The following SOX5 variants were observed in gnomAD, a reference collection of about 807,000 sequenced individuals.
SOX5 encodes transcription factor SOX-5.
In SOX5, 9 loss-of-function variants were observed where a neutral mutation model predicts 92.0. The ratio of observed to expected loss-of-function variants is 0.10; its 90% CI spans 0.06 to 0.17. SOX5 has a LOEUF of 0.17. SOX5 is among the 10% of genes least tolerant of loss of function. The probability of loss-of-function intolerance (pLI) is 1.00; values close to 1 mark genes in which losing one functional copy is unlikely to be tolerated. For missense variants in SOX5, 642 were observed against 944.5 expected (o/e 0.68, Z 4.20); for synonymous variants, 344 against 336.3 (o/e 1.02, Z -0.25).
At chr12:24,498,215 A>AAAATGT (rs1947841044) in intron 1 of SOX5, among the ~76,000 whole-genome samples, 1 of 136,786 alleles carries the variant, frequency 7.3e-6, no homozygotes, top group Non-Finnish European at 1.5e-5. Context: ...CTTAAAATGT[A>AAAATGT]AAAAAAAAAA....
chr12:23,650,198 A>T (rs2139009902), intron 7 of SOX5, among the ~76,000 whole-genome samples: 1 of 152,190 alleles, frequency 6.6e-6, no homozygotes, highest in Non-Finnish European at 1.5e-5. Flanking sequence ...AAGAGTGTAA[A>T]AGTTATTCTG....
At chr12:24,269,592 C>T (rs910597581) in intron 3 of SOX5, among the ~76,000 whole-genome samples, 6 of 151,790 alleles carry the variant, frequency 4.0e-5, no homozygotes, top group Non-Finnish European at 2.9e-5. Flanking sequence ...TATATGTAAA[C>T]GTCCATAACT....
chr12:23,907,631 T>C (rs896631782), intron 1 of SOX5, among the ~76,000 whole-genome samples: 6 of 152,104 alleles, frequency 3.9e-5, no homozygotes, highest in Non-Finnish European at 8.8e-5. Flanking sequence ...CAAATGCGTA[T>C]ATATGGGAAT....
At chr12:24,432,868 C>G (rs1205494465) in intron 1 of SOX5, among the ~76,000 whole-genome samples, 2 of 151,984 alleles carry the variant, frequency 1.3e-5, no homozygotes, top group Non-Finnish European at 2.9e-5. Context: ...CACACACACA[C>G]AGAGTATGAT....
chr12:24,557,434 A>G (rs1041016195), intron 1 of SOX5, among the ~76,000 whole-genome samples: 13 of 151,764 alleles, frequency 8.6e-5, no homozygotes, highest in African/African-American at 1.2e-4. Flanking sequence ...AAAGAAAAAA[A>G]GAGGTTAAGA....
At chr12:23,759,159 T>C (rs902683465) in intron 3 of SOX5, among the ~76,000 whole-genome samples, 1 of 151,894 alleles carries the variant, frequency 6.6e-6, no homozygotes, top group Admixed American at 6.6e-5. Flanking sequence ...ACTTGATAAA[T>C]GTTCTAGGGT....
intron 9 of SOX5, among the ~76,000 whole-genome samples, chr12:23,600,432 T>C (rs2137389742): frequency 1.3e-5 from 2 of 149,954 alleles, no homozygotes; most frequent in South Asian, 4.2e-4. Context: ...AAAATTTTAT[T>C]GTAACAGCTG....
intron 4 of SOX5, among the ~76,000 whole-genome samples, chr12:24,074,406 C>T (rs1297448831): frequency 6.6e-6 from 1 of 151,570 alleles, no homozygotes; most frequent in African/African-American, 2.4e-5. Context: ...CCACCTGCAC[C>T]TGGATAGGTA....
intron 1 of SOX5, among the ~76,000 whole-genome samples, chr12:23,898,699 A>G (rs1232480889): frequency 2.0e-5 from 3 of 152,228 alleles, no homozygotes; most frequent in African/African-American, 2.4e-5. Flanking sequence ...AAAAAAGGTT[A>G]AGGTTTATAA....
chr12:23,956,959 T>C (rs1345183409), intron 4 of SOX5, among the ~76,000 whole-genome samples: 1 of 149,166 alleles, frequency 6.7e-6, no homozygotes, highest in Admixed American at 6.7e-5. Context: ...TGAGCCACCA[T>C]GCCCGGCCAT....
intron 8 of SOX5, among the ~76,000 whole-genome samples, chr12:23,613,202 A>G (rs1359680783): frequency 6.6e-6 from 1 of 152,182 alleles, no homozygotes; most frequent in East Asian, 1.9e-4. Flanking sequence ...ATAATTCATA[A>G]GTCAATGAAC....
chr12:24,080,313 G>A (rs1943170145), intron 4 of SOX5, among the ~76,000 whole-genome samples: 1 of 151,884 alleles, frequency 6.6e-6, no homozygotes, highest in Non-Finnish European at 1.5e-5. Flanking sequence ...CCATTTCTAT[G>A]ATTGCAATGC....
At chr12:24,192,357 A>G (rs1956607181) in intron 4 of SOX5, among the ~76,000 whole-genome samples, 3 of 152,148 alleles carry the variant, frequency 2.0e-5, no homozygotes, top group African/African-American at 7.2e-5. Context: ...TAACAATAAA[A>G]TGTTCTAAAA....
intron 3 of SOX5, among the ~76,000 whole-genome samples, chr12:24,220,566 T>G (rs555064539): frequency 1.3e-5 from 2 of 152,182 alleles, no homozygotes; most frequent in Non-Finnish European, 2.9e-5. Flanking sequence ...ATAGGTTATA[T>G]GTTATTATTT....
chr12:23,853,139 T>TATAC (rs1555385502), intron 2 of SOX5, among the ~76,000 whole-genome samples: 1 of 149,778 alleles, frequency 6.7e-6, no homozygotes, highest in African/African-American at 2.4e-5. Flanking sequence ...TATATATATA[T>TATAC]ACACACACAT....
rs537128830 is a variant in SOX5 at position 23,598,620 on chromosome 12, C to T, written c.1164+5767G>A. On this transcript the variant is annotated intron_variant, in intron 9 of 14. Transcript: ENST00000451604. ...TTCACCATGTTATCCAGGAAGGTCT[C>T]GATCTCCTGACCTCATGATCCATCC... 3.5e-3 allele frequency among the ~76,000 whole-genome samples: 532 copies of T among 151,978 alleles called. 1 individual carries two copies. Among genetic ancestry groups the T allele is most frequent in the African/African-American group, 0.012 (490 of 41,454 alleles).
At chr12:23,872,322 T>C (rs1348478309) in intron 2 of SOX5, among the ~76,000 whole-genome samples, 1 of 151,846 alleles carries the variant, frequency 6.6e-6, no homozygotes, top group African/African-American at 2.4e-5. Flanking sequence ...CATTTATTCT[T>C]ACTGAATCTT....
intron 4 of SOX5, among the ~76,000 whole-genome samples, chr12:23,966,169 C>T (rs1318505628): frequency 7.6e-6 from 1 of 131,220 alleles, no homozygotes; most frequent in Non-Finnish European, 1.6e-5. Flanking sequence ...GAATCCCCGC[C>T]TCCCCAGATT....
intron 4 of SOX5, among the ~76,000 whole-genome samples, chr12:23,982,107 G>A (rs1413431035): frequency 3.3e-5 from 5 of 152,176 alleles, no homozygotes; most frequent in South Asian, 2.1e-4. Context: ...AATTGGGCAC[G>A]AACGAACATT....
Sources: gnomAD v4.1 joint callset for allele counts (sites outside exome capture counted in the v4.1 genomes callset) on GRCh38, gnomAD v4.1.1 for gene constraint, MANE v1.5 for transcripts, NCBI Gene and HGNC (gene_info 2026-07-23, HGNC 2026-07-21) for gene names.